NRG1: variants seen among roughly 807,000 people sequenced by gnomAD.
NRG1 encodes the protein neuregulin 1, also known as pro-neuregulin-1, membrane-bound isoform.
A neutral mutation model predicts 63.8 loss-of-function variants in NRG1; 18 were observed. The observed-to-expected ratio is 0.28, with a 90% CI of 0.19 to 0.42. NRG1 has a LOEUF of 0.42. Among genes scored for constraint, NRG1 ranks in the 10% least tolerant of loss-of-function variants. NRG1 has a pLI of 1.00. For synonymous variants in NRG1, 302 were observed against 301.3 expected (o/e 1.00, Z -0.02); for missense variants, 762 against 814.7 (o/e 0.94, Z 0.79).
intron 1 of NRG1, among the ~76,000 whole-genome samples, chr8:31,837,301 A>G (rs1230520547): frequency 6.6e-6 from 1 of 151,940 alleles, no homozygotes; most frequent in Non-Finnish European, 1.5e-5. Context: ...TGGTTTTTTG[A>G]GTCAAAAATT....
Position 31,699,717 on chromosome 8 carries a change from A to G in NRG1, c.37+60286A>G, listed in dbSNP as rs866265781. On this transcript the variant is annotated intron_variant, in intron 1 of 10. Transcript: ENST00000519301. Reference sequence around the variant, plus strand: ...CTTTTTTCCTTCCTTTTTTTAAAAAAAAAATTTTTCACCTTTTAATTGTCA... The same window carrying G: ...CTTTTTTCCTTCCTTTTTTTAAAAAGAAAATTTTTCACCTTTTAATTGTCA... Among the ~76,000 whole-genome samples, 11 of 152,128 alleles carry G rather than the reference A, an allele frequency of 7.2e-5. No individual in the cohort carries two copies. The South Asian group carries it at 2.3e-3, about 31-fold the overall frequency.
intron 1 of NRG1, among the ~76,000 whole-genome samples, chr8:32,451,557 C>T (rs1471488301): frequency 6.6e-6 from 1 of 152,138 alleles, no homozygotes; most frequent in Non-Finnish European, 1.5e-5. Flanking sequence ...ACACAAATTT[C>T]ATGTTCTTCT....
intron 1 of NRG1, among the ~76,000 whole-genome samples, chr8:31,757,696 A>G (rs1457725215): frequency 6.6e-6 from 1 of 152,144 alleles, no homozygotes; most frequent in Non-Finnish European, 1.5e-5. Flanking sequence ...GCAGAAGACC[A>G]GAGGGAAGAA....
At position 32,728,753 on chromosome 8, in the gene NRG1, T is replaced by C. The variant is rs192312431; in HGVS notation, c.632+675T>C. ...CTGTCTTTCCAATGACCTGAAGGAG[T>C]TGATGCACCATTAAGAAGTATCCAA... On this transcript the variant is annotated intron_variant, in intron 6 of 11. Transcript: ENST00000356819. 71 of 719,184 alleles carry C rather than the reference T, an allele frequency of 9.9e-5. 1 individual carries two copies. In the East Asian group the frequency reaches 7.9e-3, roughly 80 times the overall value. The allele number at this position is 719,184 out of a possible 1,614,324, so 44.6% of individuals were successfully genotyped here.
rs146374270 is a variant in NRG1, at chr8:32,523,717, G to T, written c.38-72111G>T. 3.7e-3 allele frequency among the ~76,000 whole-genome samples: 557 copies of T among 152,122 alleles called. 2 individuals carry two copies. Among genetic ancestry groups the T allele is most frequent in the Non-Finnish European group, 5.6e-3 (384 of 68,004 alleles). ...ACACAAAAATTAGTTGGGCATGGTG[G>T]CACGTGCCTGTAATCCCAGCTACTT... On this transcript the variant is annotated intron_variant, in intron 1 of 10. Transcript: ENST00000519301.
chr8:32,467,148 C>G (rs987500585), intron 1 of NRG1, among the ~76,000 whole-genome samples: 2 of 152,088 alleles, frequency 1.3e-5, no homozygotes, highest in African/African-American at 2.4e-5. Context: ...TTAGAATGAA[C>G]CCAATATAAA....
At chr8:32,749,775 G>A in intron 7 of NRG1, 1 of 625,904 alleles carries the variant, frequency 1.6e-6, no homozygotes, top group South Asian at 2.0e-5. Flanking sequence ...ACTGAGTGCA[G>A]CAGGTTTTAG....
chr8:32,251,751 G>A (rs756908817), intron 1 of NRG1, among the ~76,000 whole-genome samples: 2 of 152,126 alleles, frequency 1.3e-5, no homozygotes, highest in Non-Finnish European at 1.5e-5. Flanking sequence ...CATTCAAACC[G>A]GCGTGAGATG....
intron 1 of NRG1, among the ~76,000 whole-genome samples, chr8:32,390,146 A>G (rs1490386318): frequency 2.0e-5 from 3 of 152,004 alleles, no homozygotes; most frequent in Non-Finnish European, 4.4e-5. Flanking sequence ...CCTGGGCTAC[A>G]TCTTAAAAGA....
chr8:32,246,080 C>A (rs955206722), intron 1 of NRG1, among the ~76,000 whole-genome samples: 1 of 152,034 alleles, frequency 6.6e-6, no homozygotes, highest in African/African-American at 2.4e-5. Context: ...TGAACCTATG[C>A]AAATAACTAT....
At chr8:32,336,028 G>A (rs551869631) in intron 1 of NRG1, among the ~76,000 whole-genome samples, 2 of 152,002 alleles carry the variant, frequency 1.3e-5, no homozygotes, top group African/African-American at 2.4e-5. Context: ...TACACACACC[G>A]GAAATTGTAC....
chr8:32,652,544 G>A (rs1855353593), intron 5 of NRG1, among the ~76,000 whole-genome samples: 1 of 150,336 alleles, frequency 6.7e-6, no homozygotes, highest in Admixed American at 6.6e-5. Flanking sequence ...TTGTAATTAT[G>A]TCATTTTGGC....
At chr8:31,839,703 G>C (rs1043565609) in intron 1 of NRG1, among the ~76,000 whole-genome samples, 1 of 152,138 alleles carries the variant, frequency 6.6e-6, no homozygotes, top group Non-Finnish European at 1.5e-5. Flanking sequence ...AATGAAAACA[G>C]GAAACGTCTT....
chr8:32,052,161 A>C (rs951965303), intron 1 of NRG1, among the ~76,000 whole-genome samples: 3 of 152,104 alleles, frequency 2.0e-5, no homozygotes, highest in Non-Finnish European at 2.9e-5. Context: ...ACAGGAGAGA[A>C]TCTCAAAAGG....
intron 1 of NRG1, among the ~76,000 whole-genome samples, chr8:31,950,621 T>TA (rs1193857235): frequency 2.6e-5 from 4 of 152,360 alleles, no homozygotes; most frequent in African/African-American, 9.6e-5. Flanking sequence ...TAATATTCTG[T>TA]ATTGTTCTGA....
chr8:32,495,651 T>TG, intron 1 of NRG1, among the ~76,000 whole-genome samples: 1 of 152,160 alleles, frequency 6.6e-6, no homozygotes, highest in East Asian at 1.9e-4. Context: ...TTAGTAGAGA[T>TG]GGGGTTTCGC....
intron 2 of NRG1, among the ~76,000 whole-genome samples, chr8:32,601,956 T>C (rs1233083055): frequency 6.6e-6 from 1 of 152,186 alleles, no homozygotes; most frequent in East Asian, 1.9e-4. Flanking sequence ...GAAATCCTTA[T>C]TTCTGCATAT....
At chr8:31,726,901 G>C (rs117820886) in intron 1 of NRG1, among the ~76,000 whole-genome samples, 1 of 152,128 alleles carries the variant, frequency 6.6e-6, no homozygotes, top group Non-Finnish European at 1.5e-5. Flanking sequence ...GAGAAGGTCT[G>C]GTTATGAGGT....
At chr8:31,781,288 G>T (rs1256888499) in intron 1 of NRG1, among the ~76,000 whole-genome samples, 1 of 152,120 alleles carries the variant, frequency 6.6e-6, no homozygotes, top group Non-Finnish European at 1.5e-5. Flanking sequence ...GGAGAGATTA[G>T]CATGGATTAG....
Sources: gnomAD v4.1 joint callset for allele counts (sites outside exome capture counted in the v4.1 genomes callset) on GRCh38, gnomAD v4.1.1 for gene constraint, MANE v1.5 for transcripts, NCBI Gene and HGNC (gene_info 2026-07-23, HGNC 2026-07-21) for gene names.